SIK2: variants seen among roughly 807,000 people sequenced by gnomAD.
SIK2 encodes serine/threonine-protein kinase SIK2.
SIK2 carries 29 observed loss-of-function variants against 103.2 expected under a neutral mutation model. The observed-to-expected ratio is 0.28, with a 90% CI of 0.21 to 0.38. The LOEUF (loss-of-function observed/expected upper bound fraction) is 0.38, where lower values mean the gene tolerates loss of function less well. SIK2 is among the 10% of genes least tolerant of loss of function. The pLI is 1.00. For missense variants in SIK2, 879 were observed against 1,171.0 expected, an observed-to-expected ratio of 0.75 and a Z score of 3.64; for synonymous variants, 412 against 446.1, an observed-to-expected ratio of 0.92 and a Z score of 0.96.
At chr11:111,689,304 G>A (rs11213979) in intron 4 of SIK2, among the ~76,000 whole-genome samples, 46,119 of 151,976 alleles carry the variant, frequency 0.3, 8,317 homozygotes, top group East Asian at 0.62. Context: ...CATGGGTAGG[G>A]GTAAAGTGGA....
intron 3 of SIK2, among the ~76,000 whole-genome samples, chr11:111,677,957 C>G (rs1343229757): frequency 1.3e-5 from 2 of 152,188 alleles, no homozygotes; most frequent in Non-Finnish European, 2.9e-5. Flanking sequence ...AGTCTCTCAT[C>G]TACTTAAAGT....
intron 3 of SIK2, among the ~76,000 whole-genome samples, chr11:111,679,244 A>G (rs955654898): frequency 6.6e-6 from 1 of 152,222 alleles, no homozygotes. Flanking sequence ...TAAACCAGAA[A>G]CTTGAACATA....
Position 111,668,179 on chromosome 11 carries a change from A to G in SIK2, c.317-19822A>G, listed in dbSNP as rs11213973. 9.3e-3 allele frequency among the ~76,000 whole-genome samples: 1,398 copies of G among 151,056 alleles called. 12 individuals are homozygous for G. The highest frequency in any genetic ancestry group is 0.061 in the Middle Eastern group (18 of 294). On this transcript the variant is annotated intron_variant, in intron 3 of 14. Transcript: ENST00000304987. ...TCAGTATGGAATAACTAAAGTAAGG[A>G]GTGTGTGTGTGTGTGTGTGTGTGTG...
rs1265757739 is a variant in SIK2, at chr11:111,725,938, A to G, written c.*1809A>G. On this transcript the variant is annotated 3_prime_UTR_variant, in exon 15 of 15. Coordinates refer to ENST00000304987, the MANE Select transcript of SIK2 (RefSeq NM_015191.3). The stretch of plus-strand genomic sequence containing the variant: ...TGGGGACTGTCATTTTTGTGATTTA[A>G]TAACACACAGTGAAAATCCAGGAAG... 1 of 152,242 alleles carries G rather than the reference A, an allele frequency of 6.6e-6. No homozygotes were observed. Among genetic ancestry groups the G allele is most frequent in the Non-Finnish European group, 1.5e-5 (1 of 68,044 alleles). The allele number at this position is 152,242 out of a possible 1,614,324, so 9.4% of individuals were successfully genotyped here.
chr11:111,707,829 C>G (rs1290570778), intron 8 of SIK2, among the ~76,000 whole-genome samples: 1 of 152,174 alleles, frequency 6.6e-6, no homozygotes, highest in East Asian at 1.9e-4. Flanking sequence ...TGGAATCATG[C>G]AGACCTTGGG....
In SIK2 at chr11:111,602,478, A is replaced by G. The variant is rs1258613512; in HGVS notation, c.-86A>G. On this transcript the variant is annotated 5_prime_UTR_variant, in exon 1 of 15. Transcript: ENST00000304987. The surrounding 1 kb of genome is among the most constrained non-coding windows in gnomAD (Gnocchi z 4.5). ...AGCGAAGGAGCGAAGGAGCAAGCGG[A>G]GCGGCCGTCGCCCAAGCCAAGCCGC... 1 of 1,334,682 alleles carries G rather than the reference A, an allele frequency of 7.5e-7. No homozygotes were observed. Among genetic ancestry groups the G allele is most frequent in the Admixed American group, 3.5e-5 (1 of 28,572 alleles). The allele number at this position is 1,334,682 out of a possible 1,614,324, so 82.7% of individuals were successfully genotyped here. A position where few individuals can be genotyped will look rare whatever the true frequency, so the allele number is the denominator to read the frequency against.
intron 1 of SIK2, among the ~76,000 whole-genome samples, chr11:111,607,290 G>A (rs2135828215): frequency 6.6e-6 from 1 of 152,238 alleles, no homozygotes. Context: ...CTTTCCATGT[G>A]CATTTTGGGG....
chr11:111,622,170 C>G (rs1267356814), intron 3 of SIK2, among the ~76,000 whole-genome samples: 2 of 150,698 alleles, frequency 1.3e-5, no homozygotes, highest in African/African-American at 4.9e-5. Flanking sequence ...ATCAATGCAG[C>G]TACCATTTCT....
chr11:111,621,458 A>T (rs1273506825), intron 3 of SIK2, among the ~76,000 whole-genome samples: 1 of 150,970 alleles, frequency 6.6e-6, no homozygotes, highest in Non-Finnish European at 1.5e-5. Flanking sequence ...AAGTAGTATT[A>T]TATTATATGA....
At chr11:111,608,551 A>C (rs1476358030) in intron 1 of SIK2, among the ~76,000 whole-genome samples, 1 of 152,224 alleles carries the variant, frequency 6.6e-6, no homozygotes, top group Non-Finnish European at 1.5e-5. Flanking sequence ...TATGTAATAA[A>C]ATTGATGTCA....
At chr11:111,694,643 T>C (rs866529933) in intron 4 of SIK2, among the ~76,000 whole-genome samples, 1 of 152,234 alleles carries the variant, frequency 6.6e-6, no homozygotes, top group African/African-American at 2.4e-5. Context: ...TTATTGTAAG[T>C]CTTCCATTTG....
At chr11:111,625,754 G>A (rs565811468) in intron 3 of SIK2, among the ~76,000 whole-genome samples, 1 of 152,290 alleles carries the variant, frequency 6.6e-6, no homozygotes, top group East Asian at 1.9e-4. Flanking sequence ...AAGAAAAATG[G>A]AGAGAGCAAA....
chr11:111,725,400 CATTAT>C lies in SIK2; in HGVS notation c.*1276_*1280del, dbSNP rs1943934104. 3.3e-5 allele frequency: 5 copies of C among 152,708 alleles called. No individual in the cohort carries two copies. The highest frequency in any genetic ancestry group is 2.6e-4 in the Admixed American group (4 of 15,302). The allele number at this position is 152,708 out of a possible 1,614,324, so 9.5% of individuals were successfully genotyped here. On this transcript the variant is annotated 3_prime_UTR_variant, in exon 15 of 15. Transcript: ENST00000304987. The stretch of plus-strand genomic sequence containing the variant: ...CCATTTAAGCAGATCATCTGCCAAA[CATTAT>C]ATTACTAATAAAACTTAACCAACAC...
At chr11:111,611,248 C>CA (rs68177301) in intron 1 of SIK2, among the ~76,000 whole-genome samples, 13 of 143,234 alleles carry the variant, frequency 9.1e-5, no homozygotes, top group African/African-American at 2.6e-4. Context: ...GACCCTGTCT[C>CA]AAAAAAAAAA....
intron 1 of SIK2, among the ~76,000 whole-genome samples, chr11:111,615,516 GA>G (rs1388560001): frequency 2.0e-5 from 3 of 151,806 alleles, no homozygotes; most frequent in African/African-American, 7.3e-5. Flanking sequence ...TTAATTGCAT[GA>G]AAAAAATGTG....
At chr11:111,684,426 G>A (rs1329634943) in intron 3 of SIK2, among the ~76,000 whole-genome samples, 1 of 151,618 alleles carries the variant, frequency 6.6e-6, no homozygotes, top group Non-Finnish European at 1.5e-5. Context: ...CATTGACTCA[G>A]CACTTTCTTC....
At chr11:111,612,250 G>C (rs1251156855) in intron 1 of SIK2, among the ~76,000 whole-genome samples, 1 of 152,180 alleles carries the variant, frequency 6.6e-6, no homozygotes, top group Non-Finnish European at 1.5e-5. Flanking sequence ...TTCAACTCAT[G>C]AGTGTACTGC....
Position 111,722,759 on chromosome 11 carries a change from G to C in SIK2, c.2147+3G>C. The C allele has an allele frequency of 6.2e-7, 1 of 1,613,458 alleles. No homozygotes were observed. The highest frequency in any genetic ancestry group is 8.5e-7 in the Non-Finnish European group (1 of 1,179,708). On this transcript the variant is annotated splice_donor_region_variant and intron_variant, in intron 14 of 14. Transcript: ENST00000304987. This position sits in a 1 kb window ranked among gnomAD's most constrained non-coding sequence, Gnocchi z 4.4. Reference sequence around the variant, plus strand: ...GAGCAGCAGCTGCAGGAACATAGGTGAGAAGGGGACTTTGGCCAAAGAAGT... The same window carrying C: ...GAGCAGCAGCTGCAGGAACATAGGTCAGAAGGGGACTTTGGCCAAAGAAGT...
chr11:111,605,661 A>T (rs1941640353), intron 1 of SIK2, among the ~76,000 whole-genome samples: 1 of 152,192 alleles, frequency 6.6e-6, no homozygotes, highest in Non-Finnish European at 1.5e-5. Flanking sequence ...TGTAATGAGC[A>T]ATTAGGACCC....
Sources: allele counts gnomAD v4.1 joint callset (sites outside exome capture counted in the v4.1 genomes callset), GRCh38; gene constraint gnomAD v4.1.1; non-coding constraint Gnocchi (gnomAD v3.1); transcripts MANE v1.5; gene names NCBI Gene and HGNC (gene_info 2026-07-23, HGNC 2026-07-21).